GPC5: variants seen among roughly 807,000 people sequenced by gnomAD.
GPC5 encodes the protein glypican 5, also known as glypican-5.
GPC5 carries 47 observed loss-of-function variants against 53.9 expected under a neutral mutation model. The observed-to-expected ratio is 0.87, with a 90% confidence interval of 0.69 to 1.11. GPC5 has a LOEUF of 1.11. GPC5 is among the 50% of genes most tolerant of loss of function. The probability of loss-of-function intolerance (pLI) is 0.00; values close to 1 mark genes in which losing one functional copy is unlikely to be tolerated. For synonymous variants in GPC5, 286 were observed against 263.3 expected (o/e 1.09, Z -0.84); for missense variants, 748 against 713.1 (o/e 1.05, Z -0.56).
chr13:92,469,310 G>A (rs987148380), intron 7 of GPC5, among the ~76,000 whole-genome samples: 1 of 151,988 alleles, frequency 6.6e-6, no homozygotes. Context: ...CCAGGTTTAA[G>A]TAATTCTCTG....
chr13:92,865,267 C>T (rs1839813481), intron 7 of GPC5, among the ~76,000 whole-genome samples: 1 of 152,076 alleles, frequency 6.6e-6, no homozygotes, highest in South Asian at 2.1e-4. Context: ...TTATCCCTAA[C>T]TTCATTCTCC....
At chr13:92,438,381 TAA>T (rs72095896) in intron 7 of GPC5, among the ~76,000 whole-genome samples, 1,649 of 24,488 alleles carry the variant, frequency 0.067, 31 homozygotes, top group African/African-American at 0.15. Flanking sequence ...TAAAGCAAAA[TAA>T]ATATATATAT....
chr13:92,865,028 A>G (rs924650445), intron 7 of GPC5, among the ~76,000 whole-genome samples: 1 of 152,280 alleles, frequency 6.6e-6, no homozygotes, highest in African/African-American at 2.4e-5. Context: ...TAATTCAGTC[A>G]CTTAGTCTCA....
intron 2 of GPC5, among the ~76,000 whole-genome samples, chr13:91,580,814 T>A (rs1300768039): frequency 6.6e-6 from 1 of 152,234 alleles, no homozygotes; most frequent in East Asian, 1.9e-4. Context: ...ATTCATATAT[T>A]CATTAAGTTA....
intron 7 of GPC5, among the ~76,000 whole-genome samples, chr13:92,725,682 TC>T (rs1159053179): frequency 6.6e-6 from 1 of 151,624 alleles, no homozygotes; most frequent in Non-Finnish European, 1.5e-5. Context: ...GTTCAAATTC[TC>T]ATGTTAAATC....
At chr13:92,741,340 T>C (rs761939662) in intron 7 of GPC5, among the ~76,000 whole-genome samples, 1 of 151,862 alleles carries the variant, frequency 6.6e-6, no homozygotes, top group Non-Finnish European at 1.5e-5. Flanking sequence ...CACATTAATG[T>C]ATTCAGGCAG....
chr13:91,674,340 T>G (rs1474378742), intron 2 of GPC5, among the ~76,000 whole-genome samples: 1 of 151,818 alleles, frequency 6.6e-6, no homozygotes, highest in East Asian at 1.9e-4. Flanking sequence ...CAAGGCAATA[T>G]TTTCTCCTTC....
intron 7 of GPC5, among the ~76,000 whole-genome samples, chr13:92,578,434 A>G (rs1883255280): frequency 6.6e-6 from 1 of 152,160 alleles, no homozygotes; most frequent in Admixed American, 6.5e-5. Flanking sequence ...AGAGAAATAC[A>G]TGGGGAGATA....
At chr13:91,823,163 C>G (rs185862239) in intron 5 of GPC5, among the ~76,000 whole-genome samples, 27 of 152,052 alleles carry the variant, frequency 1.8e-4, no homozygotes, top group Non-Finnish European at 3.8e-4. Flanking sequence ...TGTTTTAAAT[C>G]GCAGAACTAT....
chr13:92,490,384 C>T (rs549132528), intron 7 of GPC5, among the ~76,000 whole-genome samples: 10 of 152,128 alleles, frequency 6.6e-5, no homozygotes, highest in African/African-American at 9.6e-5. Flanking sequence ...TAAATGAACA[C>T]GAGATTAACT....
chr13:91,570,850 G>T (rs1298185978), intron 2 of GPC5, among the ~76,000 whole-genome samples: 2 of 152,070 alleles, frequency 1.3e-5, no homozygotes, highest in Non-Finnish European at 2.9e-5. Flanking sequence ...TTATAAACTT[G>T]GGACTCAGAA....
chr13:92,283,234 T>G (rs1457481446), intron 7 of GPC5, among the ~76,000 whole-genome samples: 1 of 152,180 alleles, frequency 6.6e-6, no homozygotes, highest in East Asian at 1.9e-4. Flanking sequence ...GTAACCAGAT[T>G]CATAAAGCAA....
intron 5 of GPC5, among the ~76,000 whole-genome samples, chr13:91,839,705 G>A (rs559672894): frequency 3.9e-5 from 6 of 152,048 alleles, no homozygotes; most frequent in Non-Finnish European, 8.8e-5. Flanking sequence ...ATCCTACTGT[G>A]TTGGCCTGGG....
chr13:92,840,086 T>TAC (rs1292870653), intron 7 of GPC5, among the ~76,000 whole-genome samples: 6 of 34,838 alleles, frequency 1.7e-4, no homozygotes, highest in Non-Finnish European at 2.8e-4. Flanking sequence ...TACATATATA[T>TAC]ATATATATAT....
intron 7 of GPC5, among the ~76,000 whole-genome samples, chr13:92,264,518 A>C (rs995221804): frequency 7.9e-5 from 12 of 152,064 alleles, no homozygotes; most frequent in Non-Finnish European, 1.6e-4. Context: ...CAAGCAAAGC[A>C]ATGAAAAAAT....
At chr13:92,061,574 A>G (rs1366284309) in intron 6 of GPC5, among the ~76,000 whole-genome samples, 2 of 152,102 alleles carry the variant, frequency 1.3e-5, no homozygotes, top group Non-Finnish European at 2.9e-5. Flanking sequence ...AAAGTTAATA[A>G]TAATTCCCAT....
chr13:92,098,798 G>A (rs943330451), intron 6 of GPC5, among the ~76,000 whole-genome samples: 4 of 152,038 alleles, frequency 2.6e-5, no homozygotes, highest in Non-Finnish European at 5.9e-5. Context: ...CCTTAGAGCC[G>A]CCACAAAACA....
chr13:91,771,604 C>T (rs147323105), intron 5 of GPC5, among the ~76,000 whole-genome samples: 13 of 152,126 alleles, frequency 8.5e-5, no homozygotes, highest in African/African-American at 2.7e-4. Flanking sequence ...AGCCTTACAG[C>T]TAGTGATATG....
intron 2 of GPC5, among the ~76,000 whole-genome samples, chr13:91,569,257 T>C (rs1249907347): frequency 6.6e-6 from 1 of 152,136 alleles, no homozygotes; most frequent in Non-Finnish European, 1.5e-5. Flanking sequence ...ATAAATGATA[T>C]TGGGCCACCT....
Sources: allele counts gnomAD v4.1 joint callset (sites outside exome capture counted in the v4.1 genomes callset), GRCh38; gene constraint gnomAD v4.1.1; transcripts MANE v1.5; gene names NCBI Gene and HGNC (gene_info 2026-07-23, HGNC 2026-07-21).